Variants in STAM2 observed in about 807,000 individuals in gnomAD.
STAM2 encodes the protein signal transducing adapter molecule 2.
STAM2 carries 51 observed loss-of-function variants against 65.6 expected under a neutral mutation model. The observed-to-expected ratio is 0.78, with a 90% CI of 0.62 to 0.98. The LOEUF (loss-of-function observed/expected upper bound fraction) is 0.98, where lower values mean the gene tolerates loss of function less well. Among genes scored for constraint, STAM2 ranks in the 50% least tolerant of loss-of-function variants. The pLI is 0.00. For missense variants in STAM2, 584 were observed against 617.8 expected (o/e 0.95, Z 0.58); for synonymous variants, 198 against 208.4 (o/e 0.95, Z 0.43).
chr2:152,127,668 A>G (rs1017545387), intron 11 of STAM2, among the ~76,000 whole-genome samples: 3 of 152,150 alleles, frequency 2.0e-5, no homozygotes, highest in African/African-American at 7.2e-5. Flanking sequence ...AGTAAGACTA[A>G]TCTCTACAGC....
chr2:152,175,678 G>A lies in STAM2; in HGVS notation c.-36C>T, dbSNP rs1214821698. 2 of 1,597,112 alleles carry A rather than the reference G, an allele frequency of 1.3e-6. No individual in the cohort carries two copies. Among genetic ancestry groups the A allele is most frequent in the East Asian group, 2.3e-5 (1 of 43,808 alleles). On this transcript the variant is annotated 5_prime_UTR_variant, in exon 1 of 14. Transcript: ENST00000263904. ...CCCGAGCCCTAGTCGCTGCTGTCTA[G>A]CTGACACTCAGCAACTGCTACCCGC...
intron 1 of STAM2, among the ~76,000 whole-genome samples, chr2:152,168,037 CAA>C (rs1417004438): frequency 1.3e-5 from 2 of 152,020 alleles, no homozygotes; most frequent in East Asian, 1.9e-4. Flanking sequence ...AAAAAAATAA[CAA>C]GAGATAAAGA....
intron 1 of STAM2, among the ~76,000 whole-genome samples, chr2:152,170,817 G>A (rs187503076): frequency 7.2e-5 from 11 of 152,244 alleles, no homozygotes; most frequent in African/African-American, 1.9e-4. Context: ...CCAACATGGC[G>A]AAATCCCATC....
At position 152,123,894 on chromosome 2, in the gene STAM2, C is replaced by G. The variant is rs1287358112; in HGVS notation, c.1221G>C (p.Gln407His). Reference sequence around the variant, plus strand: ...GGGCAACAGTTACTTGGTGAATGCTCTGACCCATATAGTTTCCACCATGTG... The same window carrying G: ...GGGCAACAGTTACTTGGTGAATGCTGTGACCCATATAGTTTCCACCATGTG... ...VQSHGGNYMG[Q>H]SIHQVTVAQS... is the part of the protein sequence containing the mutation. The change falls in exon 13 of 14, where the codon CAG (glutamine) becomes CAC (histidine). Residue 407 changes from glutamine (Q) to histidine (H), a missense_variant. Gln to His is a conservative substitution (Grantham distance 24). Coordinates refer to ENST00000263904, the MANE Select transcript of STAM2 (RefSeq NM_005843.6). 6.2e-7 allele frequency: 1 copy of G among 1,614,014 alleles called. No individual in the cohort carries two copies. Among genetic ancestry groups the G allele is most frequent in the African/African-American group, 1.3e-5 (1 of 74,912 alleles).
At chr2:152,156,559 C>G (rs558659301) in intron 1 of STAM2, among the ~76,000 whole-genome samples, 2 of 152,100 alleles carry the variant, frequency 1.3e-5, no homozygotes, top group African/African-American at 4.8e-5. Flanking sequence ...GGGTGTAAGT[C>G]ATAACATTTC....
Position 152,155,329 on chromosome 2 carries a change from T to G in STAM2, c.41-5100A>C, listed in dbSNP as rs199791263. On this transcript the variant is annotated intron_variant, in intron 1 of 13. Transcript: ENST00000263904. ...CGAACTAAAAGGGCTTTAACTCTGA[T>G]GCCCATCTGTGGACATAGTTTGGCT... Among the ~76,000 whole-genome samples, 23 of 152,358 alleles carry G rather than the reference T, an allele frequency of 1.5e-4. No homozygotes were observed. In the East Asian group the frequency reaches 4.4e-3, roughly 29 times the overall value.
chr2:152,123,464 G>C (rs12615156), intron 13 of STAM2, among the ~76,000 whole-genome samples: 34,868 of 152,066 alleles, frequency 0.23, 4,095 homozygotes, highest in Admixed American at 0.31. Flanking sequence ...TAATTTTTAG[G>C]AGTGCATGCA....
intron 7 of STAM2, among the ~76,000 whole-genome samples, chr2:152,136,495 T>C (rs553015760): frequency 2.0e-5 from 3 of 152,134 alleles, no homozygotes; most frequent in East Asian, 1.9e-4. Context: ...ACAAGTGCCC[T>C]TTAGTAATGA....
At chr2:152,168,215 C>A (rs375912415) in intron 1 of STAM2, among the ~76,000 whole-genome samples, 1 of 151,838 alleles carries the variant, frequency 6.6e-6, no homozygotes, top group Non-Finnish European at 1.5e-5. Flanking sequence ...GGCTGGAGTG[C>A]AGTGGCGCGA....
chr2:152,169,794 T>A (rs1335817864), intron 1 of STAM2, among the ~76,000 whole-genome samples: 1 of 151,984 alleles, frequency 6.6e-6, no homozygotes, highest in East Asian at 1.9e-4. Context: ...ACAACAGGAA[T>A]TTCACTGCTG....
chr2:152,141,905 A>C (rs1689256014), intron 7 of STAM2, among the ~76,000 whole-genome samples: 1 of 152,092 alleles, frequency 6.6e-6, no homozygotes, highest in Non-Finnish European at 1.5e-5. Flanking sequence ...ATGGTTCTTA[A>C]ATGGAGATCC....
At chr2:152,133,298 G>T in intron 9 of STAM2, 38 bp from the exon 10 acceptor site, 1 of 1,560,566 alleles carries the variant, frequency 6.4e-7, no homozygotes, top group Non-Finnish European at 8.8e-7. Flanking sequence ...AAACTCAAGA[G>T]TTTTAACTTC....
chr2:152,157,933 C>T (rs1004697377), intron 1 of STAM2, among the ~76,000 whole-genome samples: 18 of 152,210 alleles, frequency 1.2e-4, no homozygotes, highest in African/African-American at 4.1e-4. Context: ...ATTTAGCCTC[C>T]CTACAAAGAA....
chr2:152,154,800 C>T lies in STAM2; in HGVS notation c.41-4571G>A, dbSNP rs547293477. On this transcript the variant is annotated intron_variant, in intron 1 of 13. Coordinates refer to ENST00000263904, the MANE Select transcript of STAM2 (RefSeq NM_005843.6). ...ACATCTGCCCACATTCAGAAATATACGTCTATACCAGTATTTTTAGTACCT... is the reference window on the plus strand; with the variant it reads ...ACATCTGCCCACATTCAGAAATATATGTCTATACCAGTATTTTTAGTACCT... Among the ~76,000 whole-genome samples, 312 of 152,258 alleles carry T rather than the reference C, an allele frequency of 2.0e-3. 3 individuals carry two copies. In the South Asian group the frequency reaches 0.034, roughly 17 times the overall value.
In STAM2 at chr2:152,120,740, G is replaced by A; in HGVS notation, c.1412C>T (p.Ala471Val). Residue 471 changes from alanine to valine, a missense_variant, in exon 14 of 14, where the codon GCT becomes GTT. By Grantham distance (64) the Ala-to-Val change is moderately conservative. Coordinates refer to ENST00000263904, the MANE Select transcript of STAM2 (RefSeq NM_005843.6). ...CTGTGTGTAAGCAGTTGTACCAGTAGCTGACTGTAGGTTAGAGTTCTGGTT... is the reference window on the plus strand; with the variant it reads ...CTGTGTGTAAGCAGTTGTACCAGTAACTGACTGTAGGTTAGAGTTCTGGTT... ...YMNQNSNLQS[A>V]TGTTAYTQQM... 6.2e-7 allele frequency: 1 copy of A among 1,614,140 alleles called. No individual in the cohort carries two copies. Among genetic ancestry groups the A allele is most frequent in the Non-Finnish European group, 8.5e-7 (1 of 1,180,036 alleles).
chr2:152,126,444 TA>T (rs1688965286), intron 11 of STAM2, 65 bp from the exon 12 acceptor site: 2 of 1,040,802 alleles, frequency 1.9e-6, no homozygotes, highest in Admixed American at 4.0e-5. Context: ...TAATATAAAT[TA>T]TTTTTTTAAT....
At chr2:152,147,027 G>A (rs964616119) in intron 5 of STAM2, 135 bp downstream of exon 5, 8 of 741,012 alleles carry the variant, frequency 1.1e-5, no homozygotes, top group African/African-American at 3.6e-5. Context: ...ACGTAAGGAA[G>A]GCACTATGCT....
chr2:152,163,177 G>T (rs142865921), intron 1 of STAM2, among the ~76,000 whole-genome samples: 1 of 152,186 alleles, frequency 6.6e-6, no homozygotes, highest in Non-Finnish European at 1.5e-5. Flanking sequence ...GACCCAGAAC[G>T]AATGGAGGGA....
intron 1 of STAM2, among the ~76,000 whole-genome samples, chr2:152,163,167 G>C (rs1689715576): frequency 6.6e-6 from 1 of 152,118 alleles, no homozygotes; most frequent in Non-Finnish European, 1.5e-5. Context: ...AGAAGTCAGG[G>C]ACCCAGAACG....
Sources: allele counts gnomAD v4.1 joint callset (sites outside exome capture counted in the v4.1 genomes callset), GRCh38; gene constraint gnomAD v4.1.1; transcripts MANE v1.5; gene names NCBI Gene and HGNC (gene_info 2026-07-23, HGNC 2026-07-21).